Variants in MAMLD1 observed in about 807,000 individuals in gnomAD.
The protein encoded by MAMLD1 is mastermind like domain containing 1, also known as mastermind-like domain-containing protein 1.
A neutral mutation model predicts 45.0 loss-of-function variants in MAMLD1; 14 were observed. The ratio of observed to expected loss-of-function variants is 0.31; its 90% CI spans 0.21 to 0.49. MAMLD1 has a LOEUF of 0.49. Ranked by LOEUF, MAMLD1 falls within the 20% of genes least tolerant of loss-of-function variation. MAMLD1 has a pLI of 0.99. For synonymous variants in MAMLD1, 254 were observed against 247.8 expected (o/e 1.02, Z -0.24); for missense variants, 543 against 603.6 (o/e 0.90, Z 1.05).
In MAMLD1 at chrX:150,473,625, G is replaced by A. The variant is rs992457448; in HGVS notation, c.1918-55G>A. 1.9e-5 allele frequency: 23 copies of A among 1,184,710 alleles called. No individual in the cohort carries two copies. The South Asian group carries it at 3.7e-4, about 19-fold the overall frequency. The stretch of plus-strand genomic sequence containing the variant: ...GCACATAGGACACGGCAGGCCACCT[G>A]GGGCTCGGGCCCTGGTCTGCAGTTC... On this transcript the variant is annotated intron_variant, in intron 4 of 7. Coordinates refer to ENST00000370401, the MANE Select transcript of MAMLD1 (RefSeq NM_005491.5).
chrX:150,399,635 G>A (rs1557402366), intron 1 of MAMLD1, among the ~76,000 whole-genome samples: 1 of 111,185 alleles, frequency 9.0e-6, no homozygotes, highest in African/African-American at 3.3e-5. Flanking sequence ...CAGAGGGAGA[G>A]ATAGGAGTGA....
chrX:150,468,970 T>C (rs2036311340), intron 3 of MAMLD1, among the ~76,000 whole-genome samples: 1 of 41,651 alleles, frequency 2.4e-5, no homozygotes, highest in Non-Finnish European at 4.6e-5. Context: ...CACATAGCAA[T>C]GTGTGAGAGT....
chrX:150,373,131 C>T (rs907118651), intron 1 of MAMLD1, among the ~76,000 whole-genome samples: 1 of 111,801 alleles, frequency 8.9e-6, no homozygotes, highest in Non-Finnish European at 1.9e-5. Context: ...TGGGGATTCT[C>T]CAGGCAGGCT....
At chrX:150,415,099 C>T (rs907797222) in intron 1 of MAMLD1, among the ~76,000 whole-genome samples, 1 of 112,306 alleles carries the variant, frequency 8.9e-6, no homozygotes, top group Non-Finnish European at 1.9e-5. Flanking sequence ...GGCAGCATGT[C>T]TGCTGCATAC....
At chrX:150,495,206 AAAACAAAC>A (rs201099079) in intron 5 of MAMLD1, among the ~76,000 whole-genome samples, 22 of 104,114 alleles carry the variant, frequency 2.1e-4, no homozygotes, top group East Asian at 9.2e-4. Context: ...ATTCCGTCTC[AAAACAAAC>A]AAACAAACAA....
intron 2 of MAMLD1, among the ~76,000 whole-genome samples, chrX:150,455,024 G>A (rs1189460934): frequency 9.3e-6 from 1 of 108,072 alleles, no homozygotes; most frequent in Non-Finnish European, 1.9e-5. Flanking sequence ...ACACGTACAT[G>A]GTTATATGAC....
Position 150,382,885 on chromosome X carries a change from A to ATTTTTT in MAMLD1, c.-64+19365_-64+19370dup, listed in dbSNP as rs1405489784. On this transcript the variant is annotated intron_variant, in intron 1 of 7. Coordinates refer to ENST00000370401, the MANE Select transcript of MAMLD1 (RefSeq NM_005491.5). ...CAAATATTTTGTCCCATTTTATTTT[A>ATTTTTT]TTTTTTTTTTTTTTTATTTTTTATT... Among the ~76,000 whole-genome samples, 9 of 41,174 alleles carry ATTTTTT rather than the reference A, an allele frequency of 2.2e-4. 1 individual carries two copies. The highest frequency in any genetic ancestry group is 6.5e-4 in the African/African-American group (3 of 4,611). The allele number at this position is 41,174 out of a possible 115,157, so 35.8% of individuals were successfully genotyped here.
chrX:150,391,239 T>C, intron 1 of MAMLD1, among the ~76,000 whole-genome samples: 1 of 111,904 alleles, frequency 8.9e-6, no homozygotes, highest in East Asian at 2.8e-4. Flanking sequence ...CCATTATTTC[T>C]TTGACTAATT....
At chrX:150,510,618 A>C in intron 7 of MAMLD1, among the ~76,000 whole-genome samples, 1 of 112,378 alleles carries the variant, frequency 8.9e-6, no homozygotes, top group South Asian at 3.7e-4. Flanking sequence ...AGTTAGCAAA[A>C]TGCCTGATGT....
chrX:150,363,596 C>G (rs2031145191), intron 1 of MAMLD1, 66 bp downstream of exon 1: 1 of 111,481 alleles, frequency 9.0e-6, no homozygotes, highest in Non-Finnish European at 1.9e-5. Context: ...CTTGTAGCCC[C>G]CAGTTATGGT....
chrX:150,400,206 T>C (rs1557402379), intron 1 of MAMLD1, among the ~76,000 whole-genome samples: 1 of 111,991 alleles, frequency 8.9e-6, no homozygotes, highest in Non-Finnish European at 1.9e-5. Context: ...GGAATGTACT[T>C]CTTGCTCTAT....
chrX:150,420,688 G>A (rs782006144), intron 1 of MAMLD1, among the ~76,000 whole-genome samples: 117 of 107,980 alleles, frequency 1.1e-3, no homozygotes, highest in African/African-American at 3.7e-3. Flanking sequence ...GTCTGTTGGA[G>A]TACCCTGCCA....
At chrX:150,472,859 C>T (rs1557406638) in intron 4 of MAMLD1, among the ~76,000 whole-genome samples, 1 of 112,111 alleles carries the variant, frequency 8.9e-6, no homozygotes, top group East Asian at 2.8e-4. Flanking sequence ...ACACAGAATA[C>T]TCAGTCACCA....
At chrX:150,496,041 C>T (rs2037366135) in intron 5 of MAMLD1, among the ~76,000 whole-genome samples, 1 of 112,797 alleles carries the variant, frequency 8.9e-6, no homozygotes, top group Non-Finnish European at 1.9e-5. Flanking sequence ...TAATGAGACT[C>T]TGGGAGGAAG....
At chrX:150,453,648 A>T (rs2035742952) in intron 2 of MAMLD1, among the ~76,000 whole-genome samples, 1 of 111,760 alleles carries the variant, frequency 8.9e-6, no homozygotes, top group Admixed American at 9.5e-5. Flanking sequence ...AAGTCCCCCG[A>T]TGGCTTCCCT....
At chrX:150,372,435 T>G (rs2032069143) in intron 1 of MAMLD1, among the ~76,000 whole-genome samples, 1 of 111,419 alleles carries the variant, frequency 9.0e-6, no homozygotes, top group South Asian at 3.8e-4. Context: ...CTCGGAATTT[T>G]AAGTGGGACA....
intron 5 of MAMLD1, among the ~76,000 whole-genome samples, chrX:150,486,931 G>C (rs1557407654): frequency 1.8e-5 from 2 of 112,257 alleles, no homozygotes; most frequent in African/African-American, 6.5e-5. Flanking sequence ...TTCCTATTCT[G>C]TATAATGAGA....
intron 1 of MAMLD1, among the ~76,000 whole-genome samples, chrX:150,403,869 A>AAG: frequency 9.4e-6 from 1 of 106,135 alleles, no homozygotes; most frequent in African/African-American, 3.4e-5. Flanking sequence ...GAAAGAAAGA[A>AAG]GAAAGAAAGG....
At chrX:150,434,849 T>C (rs1192618731) in intron 1 of MAMLD1, among the ~76,000 whole-genome samples, 5 of 111,986 alleles carry the variant, frequency 4.5e-5, no homozygotes, top group African/African-American at 1.6e-4. Context: ...GATTTTAGAG[T>C]ATGTGCCATT....
Sources: allele counts gnomAD v4.1 joint callset (sites outside exome capture counted in the v4.1 genomes callset), GRCh38; gene constraint gnomAD v4.1.1; transcripts MANE v1.5; gene names NCBI Gene and HGNC (gene_info 2026-07-23, HGNC 2026-07-21).